CNIH3: variants seen among roughly 807,000 people sequenced by gnomAD.
CNIH3 encodes the protein cornichon family AMPA receptor auxiliary protein 3.
CNIH3 carries 14 observed loss-of-function variants against 24.1 expected under a neutral mutation model. That is an observed-to-expected ratio of 0.58 (90% CI 0.38 to 0.91). The LOEUF is 0.91. Among genes scored for constraint, CNIH3 ranks in the 40% least tolerant of loss-of-function variants. CNIH3 has a pLI of 0.00. For synonymous variants in CNIH3, 68 were observed against 73.8 expected (o/e 0.92, Z 0.40); for missense variants, 178 against 196.8 (o/e 0.90, Z 0.57).
chr1:224,552,226 C>A (rs1679951729), intron 3 of CNIH3, among the ~76,000 whole-genome samples: 1 of 151,286 alleles, frequency 6.6e-6, no homozygotes, highest in Admixed American at 6.6e-5. Context: ...AGGGTTAACA[C>A]CCACTCTGAT....
intron 3 of CNIH3, among the ~76,000 whole-genome samples, chr1:224,719,658 TATC>T (rs1364573639): frequency 6.6e-6 from 1 of 152,222 alleles, no homozygotes; most frequent in Non-Finnish European, 1.5e-5. Flanking sequence ...CTATTATTAT[TATC>T]ATTTTCATTT....
At chr1:224,530,630 T>C (rs1415524555) in intron 2 of CNIH3, among the ~76,000 whole-genome samples, 1 of 152,012 alleles carries the variant, frequency 6.6e-6, no homozygotes, top group Admixed American at 6.6e-5. Context: ...AGATGGAGTC[T>C]TGCTCTGTCG....
chr1:224,722,732 G>C (rs1458665067), intron 3 of CNIH3, among the ~76,000 whole-genome samples: 1 of 151,150 alleles, frequency 6.6e-6, no homozygotes, highest in Admixed American at 6.6e-5. Context: ...GTACCATGAA[G>C]TTTGAGAACC....
chr1:224,517,953 T>C (rs1678464114), intron 1 of CNIH3, among the ~76,000 whole-genome samples: 1 of 152,286 alleles, frequency 6.6e-6, no homozygotes, highest in South Asian at 2.1e-4. Flanking sequence ...GAATGCAGAA[T>C]AGACCCTTTC....
At chr1:224,633,401 C>T (rs1053331731) in intron 1 of CNIH3, among the ~76,000 whole-genome samples, 20 of 152,072 alleles carry the variant, frequency 1.3e-4, no homozygotes, top group African/African-American at 4.1e-4. Flanking sequence ...TCAAGTGATC[C>T]GCCTGTCTCG....
intron 2 of CNIH3, among the ~76,000 whole-genome samples, chr1:224,528,185 G>A (rs995846838): frequency 6.6e-6 from 1 of 152,156 alleles, no homozygotes; most frequent in Non-Finnish European, 1.5e-5. Context: ...GATTGATTGA[G>A]CCTGGGAGGT....
chr1:224,635,196 T>C (rs1684029225), intron 1 of CNIH3, among the ~76,000 whole-genome samples: 1 of 152,070 alleles, frequency 6.6e-6, no homozygotes, highest in Non-Finnish European at 1.5e-5. Flanking sequence ...TAAACACTTT[T>C]AAACCATCAG....
intron 3 of CNIH3, among the ~76,000 whole-genome samples, chr1:224,728,145 A>G (rs926435216): frequency 1.3e-5 from 2 of 152,232 alleles, no homozygotes; most frequent in Non-Finnish European, 2.9e-5. Flanking sequence ...ATTCAGGCCC[A>G]CGGTGGCTGT....
At chr1:224,480,205 T>A (rs571032968) in intron 1 of CNIH3, among the ~76,000 whole-genome samples, 193 of 152,330 alleles carry the variant, frequency 1.3e-3, no homozygotes, top group African/African-American at 4.6e-3. Flanking sequence ...GCCTGAGCTG[T>A]ACCTTAGCCC....
At chr1:224,655,051 G>T (rs1685035305) in intron 1 of CNIH3, among the ~76,000 whole-genome samples, 3 of 152,292 alleles carry the variant, frequency 2.0e-5, no homozygotes, top group East Asian at 1.9e-4. Flanking sequence ...GGAGGTATAG[G>T]GTTAAAAAAC....
chr1:224,533,900 T>A lies in CNIH3; in HGVS notation n.344-3036T>A, dbSNP rs186470914. 1.8e-3 allele frequency among the ~76,000 whole-genome samples: 276 copies of A among 152,314 alleles called. 1 individual carries two copies. Among genetic ancestry groups the A allele is most frequent in the African/African-American group, 6.2e-3 (257 of 41,584 alleles). Reference sequence around the variant, plus strand: ...AGCACATAGGCTGGGAGCAGTGGCTTGCGCTTGTAATCCCAGCATTTTGGG... The same window carrying A: ...AGCACATAGGCTGGGAGCAGTGGCTAGCGCTTGTAATCCCAGCATTTTGGG... On this transcript the variant is annotated intron_variant and non_coding_transcript_variant, in intron 2 of 2. Coordinates refer to the CNIH3 transcript ENST00000470602.
At chr1:224,668,179 A>G (rs950304224) in intron 1 of CNIH3, among the ~76,000 whole-genome samples, 1 of 152,256 alleles carries the variant, frequency 6.6e-6, no homozygotes, top group East Asian at 1.9e-4. Context: ...GCTTAGATCA[A>G]TGATGATGTC....
At chr1:224,503,006 G>A (rs553614018) in intron 1 of CNIH3, among the ~76,000 whole-genome samples, 2 of 141,388 alleles carry the variant, frequency 1.4e-5, no homozygotes, top group African/African-American at 5.1e-5. Flanking sequence ...GCCAACCCCA[G>A]AAGGGCAGAA....
chr1:224,562,202 G>A lies in CNIH3; in HGVS notation n.451-3997G>A, dbSNP rs984855540. On this transcript the variant is annotated intron_variant and non_coding_transcript_variant, in intron 3 of 5. Coordinates refer to the CNIH3 transcript ENST00000471578. ...ACATCATCTCATTTACTCTTTAACC[G>A]GCTTTTGGAATACAAGAGAAAATGG... 5.9e-5 allele frequency among the ~76,000 whole-genome samples: 9 copies of A among 152,040 alleles called. No homozygotes were observed. The South Asian group carries it at 8.3e-4, about 14-fold the overall frequency.
At chr1:224,728,247 T>C (rs1689137538) in intron 3 of CNIH3, among the ~76,000 whole-genome samples, 1 of 152,222 alleles carries the variant, frequency 6.6e-6, no homozygotes, top group South Asian at 2.1e-4. Context: ...AGCCACTGCC[T>C]CCCGGGGCTG....
chr1:224,497,373 T>C (rs1249991704), intron 1 of CNIH3, among the ~76,000 whole-genome samples: 1 of 152,278 alleles, frequency 6.6e-6, no homozygotes, highest in Admixed American at 6.5e-5. Flanking sequence ...ATTTTATGTT[T>C]ACTTTAAAAA....
chr1:224,501,399 C>G (rs976730836), intron 1 of CNIH3, among the ~76,000 whole-genome samples: 6 of 151,862 alleles, frequency 4.0e-5, no homozygotes, highest in Admixed American at 6.6e-5. Flanking sequence ...GAGGCAGATA[C>G]TATTATTATT....
At chr1:224,576,457 C>T (rs1044108026) in intron 4 of CNIH3, among the ~76,000 whole-genome samples, 6 of 152,194 alleles carry the variant, frequency 3.9e-5, no homozygotes. Flanking sequence ...ACCTACATAT[C>T]TCTAAATAAC....
At chr1:224,521,324 AG>A (rs1249599744) in exon 2 of CNIH3, 5 of 152,148 alleles carry the variant, frequency 3.3e-5, no homozygotes, top group African/African-American at 1.2e-4. Flanking sequence ...GCCAGGAAGA[AG>A]GGGTAAGGAT....
Sources: gnomAD v4.1 joint callset for allele counts (sites outside exome capture counted in the v4.1 genomes callset) on GRCh38, gnomAD v4.1.1 for gene constraint, MANE v1.5 for transcripts, NCBI Gene and HGNC (gene_info 2026-07-23, HGNC 2026-07-21) for gene names.